Variants in ZCCHC2 observed in about 807,000 individuals in gnomAD.
ZCCHC2 encodes the protein zinc finger CCHC domain-containing protein 2.
A neutral mutation model predicts 103.6 loss-of-function variants in ZCCHC2; 39 were observed. The observed-to-expected ratio is 0.38, with a 90% CI of 0.29 to 0.49. The LOEUF is 0.49. ZCCHC2 is among the 20% of genes least tolerant of loss of function. The pLI is 0.96. For missense variants in ZCCHC2, 1,483 were observed against 1,491.0 expected (o/e 0.99, Z 0.09); for synonymous variants, 687 against 608.9 (o/e 1.13, Z -1.89).
At chr18:62,570,075 T>C (rs1013666700) in intron 11 of ZCCHC2, 28 bp from the exon 12 acceptor site, 2 of 1,544,086 alleles carry the variant, frequency 1.3e-6, no homozygotes, top group Non-Finnish European at 1.7e-6. Flanking sequence ...CTTAACATGA[T>C]TTTTTAAAAT....
At chr18:62,552,669 C>T (rs1915715283) in intron 5 of ZCCHC2, among the ~76,000 whole-genome samples, 1 of 152,044 alleles carries the variant, frequency 6.6e-6, no homozygotes, top group Admixed American at 6.6e-5. Flanking sequence ...GAGGCCAAGA[C>T]AGGAGGATCA....
At position 62,578,348 on chromosome 18, in the gene ZCCHC2, A is replaced by T. The variant is rs755217079; in HGVS notation, c.*1769A>T. On this transcript the variant is annotated 3_prime_UTR_variant, in exon 14 of 14. Transcript: ENST00000269499. ...AAGTGAGAGTTTTGATAAGCCACTT[A>T]TGGGCCGCGTTGTGAATCACTTGCC... 4 of 152,624 alleles carry T rather than the reference A, an allele frequency of 2.6e-5. No individual in the cohort carries two copies. Among genetic ancestry groups the T allele is most frequent in the Non-Finnish European group, 4.4e-5 (3 of 68,032 alleles). 9.5% of individuals were successfully genotyped at this position (152,624 alleles called of 1,614,324 possible).
chr18:62,564,604 A>G lies in ZCCHC2; in HGVS notation c.1720A>G (p.Asn574Asp), dbSNP rs1269618029. Reference protein sequence around the residue: ...SAEKRSLSSINKKKGKPQTEK... With the variant: ...SAEKRSLSSIDKKKGKPQTEK... ...TGAAAAACGGAGTTTATCTTCAATA[A>G]ATAAGAAGAAAGGAAAGCCACAAAC... The change falls in exon 10 of 14, where the codon AAT (asparagine) becomes GAT (aspartate). Residue 574 changes from asparagine (N) to aspartate (D), a missense_variant. Asn to Asp is a conservative substitution (Grantham distance 23). Coordinates refer to ENST00000269499, the MANE Select transcript of ZCCHC2 (RefSeq NM_017742.6). 6.5e-7 allele frequency: 1 copy of G among 1,545,166 alleles called. No homozygotes were observed. Among genetic ancestry groups the G allele is most frequent in the Admixed American group, 2.0e-5 (1 of 49,852 alleles).
At chr18:62,533,048 A>G (rs558292068) in intron 1 of ZCCHC2, among the ~76,000 whole-genome samples, 113 of 152,316 alleles carry the variant, frequency 7.4e-4, no homozygotes, top group African/African-American at 2.6e-3. Context: ...ACTGCACTCC[A>G]GCCTGGGTAA....
intron 1 of ZCCHC2, among the ~76,000 whole-genome samples, chr18:62,535,505 A>G (rs1407450063): frequency 2.6e-5 from 4 of 152,198 alleles, no homozygotes; most frequent in African/African-American, 9.7e-5. Context: ...AAATAACTAT[A>G]GTGAAGAGTT....
In ZCCHC2 at chr18:62,523,817, C is replaced by A; in HGVS notation, c.393C>A (p.Gly131=). ...ACCCGCTGGAGCTGCGCTTCCTTGG[C>A]TCGTGCCTGGAGGACCTGGCGCGCA... ...LCNPLELRFL[G]SCLEDLARKD... Residue 131 remains glycine (G), a synonymous_variant, in exon 1 of 14, where the codon GGC becomes GGA. Transcript: ENST00000269499. 1.3e-6 allele frequency: 2 copies of A among 1,544,246 alleles called. No homozygotes were observed. Among genetic ancestry groups the A allele is most frequent in the Non-Finnish European group, 1.7e-6 (2 of 1,146,302 alleles).
intron 11 of ZCCHC2, among the ~76,000 whole-genome samples, chr18:62,565,719 G>A (rs79591861): frequency 6.6e-6 from 1 of 152,238 alleles, no homozygotes; most frequent in Non-Finnish European, 1.5e-5. Context: ...ATAAGAGCAC[G>A]CAGACCTCTA....
At chr18:62,533,539 G>GA (rs1914786698) in intron 1 of ZCCHC2, among the ~76,000 whole-genome samples, 2 of 151,154 alleles carry the variant, frequency 1.3e-5, no homozygotes, top group Non-Finnish European at 2.9e-5. Flanking sequence ...AAAGAAAAAA[G>GA]AAAAAATACC....
At chr18:62,553,611 A>C (rs1915760324) in intron 5 of ZCCHC2, among the ~76,000 whole-genome samples, 1 of 152,204 alleles carries the variant, frequency 6.6e-6, no homozygotes, top group African/African-American at 2.4e-5. Context: ...GTAATTGGTC[A>C]AAAGTTACAT....
At chr18:62,524,530 G>A in intron 1 of ZCCHC2, 167 bp downstream of exon 1, 2 of 1,155,698 alleles carry the variant, frequency 1.7e-6, no homozygotes, top group Non-Finnish European at 2.3e-6. Context: ...GTCTCGCTGG[G>A]CCGCTCCGTT....
chr18:62,530,283 T>C (rs1471798199), intron 1 of ZCCHC2, among the ~76,000 whole-genome samples: 1 of 152,202 alleles, frequency 6.6e-6, no homozygotes, highest in Non-Finnish European at 1.5e-5. Flanking sequence ...ACTCTGCCAC[T>C]AGCTGTGATA....
In ZCCHC2 at chr18:62,538,220, C is replaced by T. The variant is rs540658637; in HGVS notation, c.940-1461C>T. 1.2e-3 allele frequency among the ~76,000 whole-genome samples: 166 copies of T among 135,900 alleles called. 1 individual carries two copies. The highest frequency in any genetic ancestry group is 4.1e-4 in the Non-Finnish European group (27 of 65,754). 89.2% of individuals were successfully genotyped at this position (135,900 alleles called of 152,430 possible). A position where few individuals can be genotyped will look rare whatever the true frequency, so the allele number is the denominator to read the frequency against. ...AGGCTGCAGTGAGCTATGATCATGC[C>T]GGTGTACTTCAGTCTGGGCAACAGA... On this transcript the variant is annotated intron_variant, in intron 1 of 13. Coordinates refer to ENST00000269499, the MANE Select transcript of ZCCHC2 (RefSeq NM_017742.6).
At chr18:62,564,051 C>A (rs553203519) in intron 9 of ZCCHC2, among the ~76,000 whole-genome samples, 27 of 152,302 alleles carry the variant, frequency 1.8e-4, no homozygotes, top group Non-Finnish European at 2.6e-4. Context: ...CTGGCCAACG[C>A]TCAGATCCAA....
At chr18:62,525,949 A>G (rs1362004781) in intron 1 of ZCCHC2, 1 of 152,196 alleles carries the variant, frequency 6.6e-6, no homozygotes, top group Non-Finnish European at 1.5e-5. Context: ...ATAACATACA[A>G]TATTGTAAAG....
Position 62,575,404 on chromosome 18 carries a change from A to G in ZCCHC2, c.3323A>G (p.Tyr1108Cys), listed in dbSNP as rs749606356. Residue 1108 changes from tyrosine (Y) to cysteine (C), a missense_variant, in exon 13 of 14, where the codon TAT becomes TGT. By Grantham distance (194) the Tyr-to-Cys change is radical. Around this residue, in one of 3 missense-constraint regions of ZCCHC2, gnomAD observed 884 missense variants for 907.5 expected, o/e 0.97. Transcript: ENST00000269499. ...CAGATGGCAGGATTTGGGAGATTCT[A>G]TCCTGTATATCCAGCACCTAACGTA... is the stretch of plus-strand genomic sequence containing the variant. ...MQQMAGFGRF[Y>C]PVYPAPNVVA... 41 of 1,613,996 alleles carry G rather than the reference A, an allele frequency of 2.5e-5. No homozygotes were observed. The highest frequency in any genetic ancestry group is 3.5e-5 in the Non-Finnish European group (41 of 1,179,896).
intron 12 of ZCCHC2, among the ~76,000 whole-genome samples, chr18:62,571,190 A>G (rs1322378142): frequency 6.9e-6 from 1 of 145,514 alleles, no homozygotes; most frequent in Non-Finnish European, 1.5e-5. Flanking sequence ...GCTGTAACAC[A>G]GAGTGAGTGC....
chr18:62,583,675 C>A (rs1172930866), intron 14 of ZCCHC2, among the ~76,000 whole-genome samples: 1 of 151,914 alleles, frequency 6.6e-6, no homozygotes, highest in Non-Finnish European at 1.5e-5. Context: ...TGACCCCCCC[C>A]TCCACCCAAC....
At chr18:62,534,458 A>G (rs1914835444) in intron 1 of ZCCHC2, among the ~76,000 whole-genome samples, 1 of 152,148 alleles carries the variant, frequency 6.6e-6, no homozygotes, top group Non-Finnish European at 1.5e-5. Context: ...TTGCTTGGAT[A>G]GTTGATGGTA....
intron 1 of ZCCHC2, among the ~76,000 whole-genome samples, chr18:62,535,221 C>T (rs1018476569): frequency 3.3e-5 from 5 of 152,218 alleles, no homozygotes; most frequent in African/African-American, 4.8e-5. Context: ...TTTCACCTCA[C>T]CCCAGAACAC....
Sources: gnomAD v4.1 joint callset for allele counts (sites outside exome capture counted in the v4.1 genomes callset) on GRCh38, gnomAD v4.1.1 for gene constraint, gnomAD v4.1.1 regional missense constraint, MANE v1.5 for transcripts, NCBI Gene and HGNC (gene_info 2026-07-23, HGNC 2026-07-21) for gene names.